CACNA1D: variants seen among roughly 807,000 people sequenced by gnomAD.
CACNA1D encodes calcium voltage-gated channel subunit alpha1 D, also known as voltage-dependent L-type calcium channel subunit alpha-1D.
A neutral mutation model predicts 257.1 loss-of-function variants in CACNA1D; 55 were observed. That is an observed-to-expected ratio of 0.21 (90% CI 0.17 to 0.27). CACNA1D has a LOEUF of 0.27. Among genes scored for constraint, CACNA1D ranks in the 10% least tolerant of loss-of-function variants. The probability of loss-of-function intolerance (pLI) is 1.00; values close to 1 mark genes in which losing one functional copy is unlikely to be tolerated. For missense variants in CACNA1D, 1,876 were observed against 2,784.0 expected (o/e 0.67, Z 7.34); for synonymous variants, 980 against 1,014.9 (o/e 0.97, Z 0.65).
At chr3:53,568,228 G>A (rs955550485) in intron 3 of CACNA1D, among the ~76,000 whole-genome samples, 2 of 152,184 alleles carry the variant, frequency 1.3e-5, no homozygotes, top group African/African-American at 2.4e-5. Flanking sequence ...GCAGCTAAGC[G>A]TGATTGGAAA....
intron 2 of CACNA1D, among the ~76,000 whole-genome samples, chr3:53,500,791 A>T (rs1252596145): frequency 1.3e-5 from 2 of 152,214 alleles, no homozygotes; most frequent in Non-Finnish European, 2.9e-5. Context: ...TGTTTAGGTA[A>T]GTATCTCTTG....
chr3:53,668,774 C>A (rs1466180660), intron 7 of CACNA1D, among the ~76,000 whole-genome samples: 1 of 152,192 alleles, frequency 6.6e-6, no homozygotes, highest in Non-Finnish European at 1.5e-5. Context: ...TAGGAAGCAG[C>A]CATGGGCAAT....
At chr3:53,626,698 TC>T (rs2093763523) in intron 3 of CACNA1D, among the ~76,000 whole-genome samples, 1 of 152,248 alleles carries the variant, frequency 6.6e-6, no homozygotes, top group South Asian at 2.1e-4. Context: ...TTAGATCAGT[TC>T]TTGCCTCTCT....
At chr3:53,726,361 G>A (rs1048849569) in intron 14 of CACNA1D, among the ~76,000 whole-genome samples, 1 of 152,194 alleles carries the variant, frequency 6.6e-6, no homozygotes, top group Non-Finnish European at 1.5e-5. Flanking sequence ...ATCTTGGCTG[G>A]GTGAGGTGGC....
chr3:53,811,392 A>T lies in CACNA1D; in HGVS notation c.6472A>T (p.Ile2158Phe), dbSNP rs759594488. Reference protein sequence around the residue: ...EEDLADEMICITTL With the variant: ...EEDLADEMICFTTL ...GGACCTGGCGGATGAAATGATATGC[A>T]TCACCACCTTGTAGCCCCCAGCGAG... Residue 2158 changes from isoleucine to phenylalanine, a missense_variant, in exon 48 of 48, where the codon ATC becomes TTC. Ile to Phe is a conservative substitution (Grantham distance 21, BLOSUM62 0). Around this residue, in one of 10 missense-constraint regions of CACNA1D, gnomAD observed 491 missense variants for 554.3 expected, o/e 0.89. Coordinates refer to ENST00000350061, the MANE Select transcript of CACNA1D (RefSeq NM_001128840.3). This position sits in a 1 kb window ranked among gnomAD's most constrained non-coding sequence, Gnocchi z 4.2. The T allele has an allele frequency of 6.4e-7, 1 of 1,570,100 alleles. No individual in the cohort carries two copies. Among genetic ancestry groups the T allele is most frequent in the African/African-American group, 1.4e-5 (1 of 73,948 alleles).
At chr3:53,701,025 A>G (rs1030687950) in intron 8 of CACNA1D, among the ~76,000 whole-genome samples, 2 of 151,716 alleles carry the variant, frequency 1.3e-5, no homozygotes, top group Non-Finnish European at 1.5e-5. Context: ...TGAGGATTCC[A>G]GTTTCTTATC....
At chr3:53,605,623 T>G (rs1397094453) in intron 3 of CACNA1D, among the ~76,000 whole-genome samples, 1 of 152,228 alleles carries the variant, frequency 6.6e-6, no homozygotes, top group Non-Finnish European at 1.5e-5. Context: ...TGAACCAGAA[T>G]GCGTGTGGCC....
At chr3:53,712,903 TCA>T (rs1206136560) in intron 9 of CACNA1D, among the ~76,000 whole-genome samples, 1 of 152,178 alleles carries the variant, frequency 6.6e-6, no homozygotes, top group Admixed American at 6.5e-5. Flanking sequence ...GGCTCTGGGC[TCA>T]GTTTGATGTG....
chr3:53,730,541 G>A lies in CACNA1D; in HGVS notation c.2321G>A (p.Arg774Lys). ...AAAGAAGAAGCGGAAGAAAAGGAGA[G>A]GAAAAAGATTGCCAGGTAACCCTAT... Reference protein sequence around the residue: ...AQKEEAEEKERKKIARKESLE... With the variant: ...AQKEEAEEKEKKKIARKESLE... The change falls in exon 16 of 48, where the codon AGG (arginine) becomes AAG (lysine). Residue 774 changes from arginine (R) to lysine (K), a missense_variant. This residue lies in a region of CACNA1D where 78 missense variants were observed against 69.2 expected (regional missense o/e 1.13). Coordinates refer to ENST00000350061, the MANE Select transcript of CACNA1D (RefSeq NM_001128840.3). The A allele has an allele frequency of 6.8e-6, 11 of 1,613,298 alleles. No individual in the cohort carries two copies. The highest frequency in any genetic ancestry group is 9.3e-6 in the Non-Finnish European group (11 of 1,179,184).
At chr3:53,672,285 C>T (rs2094330398) in intron 7 of CACNA1D, among the ~76,000 whole-genome samples, 1 of 152,224 alleles carries the variant, frequency 6.6e-6, no homozygotes, top group African/African-American at 2.4e-5. Flanking sequence ...GCTGCTTCTC[C>T]TTTCTGTGGG....
At chr3:53,584,859 T>C (rs2093187666) in intron 3 of CACNA1D, among the ~76,000 whole-genome samples, 1 of 151,566 alleles carries the variant, frequency 6.6e-6, no homozygotes, top group African/African-American at 2.4e-5. Context: ...TCTATTAGAG[T>C]CTTTTGGTTC....
intron 29 of CACNA1D, 81 bp downstream of exon 29, chr3:53,753,763 C>T (rs2095244719): frequency 2.4e-6 from 2 of 837,608 alleles, no homozygotes; most frequent in Non-Finnish European, 4.2e-6. Flanking sequence ...TCTTGTGTTA[C>T]TGAATTATGC....
At position 53,751,856 on chromosome 3, in the gene CACNA1D, A is replaced by G; in HGVS notation, c.3624A>G (p.Glu1208=). ...FWYVVNSSPF[E]YMMFVLIMLN... ...ACGTGGTGAACTCTTCGCCTTTCGA[A>G]TACATGATGTTTGTCCTCATCATGC... The change falls in exon 28 of 48, where the codon GAA becomes GAG. Residue 1208 remains glutamate (E), a synonymous_variant. Transcript: ENST00000350061. The surrounding 1 kb of genome is among the most constrained non-coding windows in gnomAD (Gnocchi z 4.3). The G allele has an allele frequency of 1.2e-6, 2 of 1,614,068 alleles. No individual in the cohort carries two copies. The highest frequency in any genetic ancestry group is 1.7e-6 in the Non-Finnish European group (2 of 1,179,998).
At chr3:53,797,635 T>C (rs967772445) in intron 40 of CACNA1D, 8 of 152,266 alleles carry the variant, frequency 5.3e-5, no homozygotes, top group African/African-American at 1.9e-4. Flanking sequence ...GACTAAATCC[T>C]AATCTTGTGT....
chr3:53,591,526 T>A (rs569929831), intron 3 of CACNA1D, among the ~76,000 whole-genome samples: 1 of 152,276 alleles, frequency 6.6e-6, no homozygotes, highest in Admixed American at 6.5e-5. Context: ...AGTGCTGGGA[T>A]TACAGGGGTG....
At chr3:53,682,386 A>AAAAAAAAAAAAAC (rs2094440023) in intron 8 of CACNA1D, among the ~76,000 whole-genome samples, 1 of 147,226 alleles carries the variant, frequency 6.8e-6, no homozygotes, top group Non-Finnish European at 1.5e-5. Flanking sequence ...AAAAAAAAAA[A>AAAAAAAAAAAAAC]AAAAAAAAAA....
At chr3:53,561,086 T>C (rs557656968) in intron 3 of CACNA1D, among the ~76,000 whole-genome samples, 3 of 152,326 alleles carry the variant, frequency 2.0e-5, no homozygotes, top group South Asian at 2.1e-4. Flanking sequence ...TGCTTTCATC[T>C]TCATTTTATG....
chr3:53,517,115 T>C (rs9840426), intron 3 of CACNA1D, among the ~76,000 whole-genome samples: 13,237 of 152,250 alleles, frequency 0.087, 1,922 homozygotes, highest in African/African-American at 0.3. Flanking sequence ...TACGAAGCTA[T>C]ATACACATGG....
rs201405090 is a variant in CACNA1D at position 53,494,976 on chromosome 3, G to GT, written c.-181dup. 69 of 596,780 alleles carry GT rather than the reference G, an allele frequency of 1.2e-4. No homozygotes were observed. The highest frequency in any genetic ancestry group is 2.0e-4 in the Admixed American group (7 of 34,288). 37.0% of individuals were successfully genotyped at this position (596,780 alleles called of 1,614,324 possible). A position where few individuals can be genotyped will look rare whatever the true frequency, so the allele number is the denominator to read the frequency against. On this transcript the variant is annotated 5_prime_UTR_variant, in exon 1 of 48. Transcript: ENST00000350061. ...AAAGAGAGAGCTTGGGTGGCGAGCGGTTTTTTTTTTAAATCAATTATCCTT... is the reference window on the plus strand; with the variant it reads ...AAAGAGAGAGCTTGGGTGGCGAGCGGTTTTTTTTTTTAAATCAATTATCCTT...
Sources: gnomAD v4.1 joint callset for allele counts (sites outside exome capture counted in the v4.1 genomes callset) on GRCh38, gnomAD v4.1.1 for gene constraint, gnomAD v4.1.1 regional missense constraint, Gnocchi (gnomAD v3.1) non-coding constraint, MANE v1.5 for transcripts, NCBI Gene and HGNC (gene_info 2026-07-23, HGNC 2026-07-21) for gene names.